BRINP3: variants seen among roughly 807,000 people sequenced by gnomAD.
BRINP3 encodes BMP/retinoic acid-inducible neural-specific protein 3.
BRINP3 carries 19 observed loss-of-function variants against 71.0 expected under a neutral mutation model. That is an observed-to-expected ratio of 0.27 (90% CI 0.19 to 0.39). The LOEUF (loss-of-function observed/expected upper bound fraction) is 0.39, where lower values mean the gene tolerates loss of function less well. Among genes scored for constraint, BRINP3 ranks in the 10% least tolerant of loss-of-function variants. BRINP3 has a pLI of 1.00. For synonymous variants in BRINP3, 380 were observed against 337.7 expected, an observed-to-expected ratio of 1.13 and a Z score of -1.37; for missense variants, 959 against 940.8, an observed-to-expected ratio of 1.02 and a Z score of -0.25.
At chr1:190,281,317 A>C (rs1663019229) in intron 3 of BRINP3, among the ~76,000 whole-genome samples, 1 of 151,960 alleles carries the variant, frequency 6.6e-6, no homozygotes, top group African/African-American at 2.4e-5. Flanking sequence ...ATTATGTCAA[A>C]TATTTGTATG....
chr1:190,469,763 A>T (rs1000970125), intron 1 of BRINP3, among the ~76,000 whole-genome samples: 1 of 150,968 alleles, frequency 6.6e-6, no homozygotes, highest in African/African-American at 2.4e-5. Context: ...AGCAACATTA[A>T]ATTGAATATT....
intron 1 of BRINP3, among the ~76,000 whole-genome samples, chr1:190,476,244 C>A (rs1677492708): frequency 1.4e-5 from 1 of 69,762 alleles, no homozygotes; most frequent in Admixed American, 1.9e-4. Flanking sequence ...AGTTATTTCC[C>A]AGAAATTAAA....
At chr1:190,320,291 T>G (rs551467231) in intron 2 of BRINP3, among the ~76,000 whole-genome samples, 1 of 152,166 alleles carries the variant, frequency 6.6e-6, no homozygotes, top group African/African-American at 2.4e-5. Flanking sequence ...GATAATTATT[T>G]ACTCGATTTT....
chr1:190,203,441 A>G (rs201754152), intron 6 of BRINP3, among the ~76,000 whole-genome samples: 2 of 142,958 alleles, frequency 1.4e-5, no homozygotes, highest in Non-Finnish European at 3.0e-5. Flanking sequence ...ATATATATGT[A>G]TGTGTGTGTG....
intron 2 of BRINP3, among the ~76,000 whole-genome samples, chr1:190,296,772 C>T (rs949116145): frequency 1.3e-5 from 2 of 151,756 alleles, no homozygotes; most frequent in African/African-American, 4.8e-5. Flanking sequence ...GAACTATCCA[C>T]AAAAGGAATT....
At chr1:190,355,545 G>A (rs1042360322) in intron 2 of BRINP3, among the ~76,000 whole-genome samples, 9 of 151,754 alleles carry the variant, frequency 5.9e-5, no homozygotes, top group Admixed American at 1.3e-4. Flanking sequence ...CTGTTTCCCC[G>A]AAATATAGAT....
intron 6 of BRINP3, among the ~76,000 whole-genome samples, chr1:190,197,553 C>T (rs769259275): frequency 8.5e-5 from 13 of 152,122 alleles, no homozygotes; most frequent in South Asian, 2.1e-4. Context: ...TTGGCCAAAA[C>T]GAAGGGGCAA....
At chr1:190,400,198 C>T (rs1034671038) in intron 2 of BRINP3, among the ~76,000 whole-genome samples, 1 of 152,106 alleles carries the variant, frequency 6.6e-6, no homozygotes, top group Non-Finnish European at 1.5e-5. Context: ...TAACAAACCT[C>T]AAACTGGAGG....
intron 2 of BRINP3, among the ~76,000 whole-genome samples, chr1:190,392,575 A>C (rs1458113081): frequency 6.6e-6 from 1 of 151,672 alleles, no homozygotes; most frequent in African/African-American, 2.4e-5. Context: ...TAAAAAGGTC[A>C]CTTTTGATCC....
chr1:190,456,310 T>A (rs555883075), intron 1 of BRINP3, among the ~76,000 whole-genome samples: 214 of 152,318 alleles, frequency 1.4e-3, no homozygotes, highest in African/African-American at 5.0e-3. Context: ...TAAAAGGACA[T>A]TCCTCACATA....
At chr1:190,377,916 T>C (rs1053669017) in intron 2 of BRINP3, among the ~76,000 whole-genome samples, 3 of 152,144 alleles carry the variant, frequency 2.0e-5, no homozygotes, top group African/African-American at 7.2e-5. Flanking sequence ...ATTCATTGAT[T>C]GGAAGATGTA....
intron 2 of BRINP3, among the ~76,000 whole-genome samples, chr1:190,381,833 T>C (rs954845581): frequency 1.3e-5 from 2 of 152,158 alleles, no homozygotes; most frequent in African/African-American, 2.4e-5. Context: ...TATTTTAATA[T>C]TCTTTTCTTT....
intron 6 of BRINP3, among the ~76,000 whole-genome samples, chr1:190,165,443 G>GGTTTTTTTTTTT (rs1651415035): frequency 2.1e-5 from 1 of 46,622 alleles, no homozygotes; most frequent in Admixed American, 2.4e-4. Context: ...TTCATTGGCT[G>GGTTTTTTTTTTT]TTTTTTTTTT....
In BRINP3 at chr1:190,098,372, C is replaced by T. The variant is rs1255317884; in HGVS notation, c.1947G>A (p.Leu649=). ...NGNESIYYEP[L]EFIDPSRNLG... is the part of the protein sequence containing the mutation. ...GGTTCCGGGAAGGGTCAATAAACTCCAGAGGTTCATAGTAAATGCTCTCAT... is the reference window on the plus strand; with the variant it reads ...GGTTCCGGGAAGGGTCAATAAACTCTAGAGGTTCATAGTAAATGCTCTCAT... The change falls in exon 8 of 8, where the codon CTG becomes CTA. Residue 649 remains leucine (L), a synonymous_variant. Coordinates refer to ENST00000367462, the MANE Select transcript of BRINP3 (RefSeq NM_199051.3). 2.5e-6 allele frequency: 4 copies of T among 1,614,130 alleles called. No individual in the cohort carries two copies. Among genetic ancestry groups the T allele is most frequent in the Non-Finnish European group, 3.4e-6 (4 of 1,180,042 alleles).
At chr1:190,296,107 T>TA (rs1374356368) in intron 2 of BRINP3, among the ~76,000 whole-genome samples, 3 of 151,680 alleles carry the variant, frequency 2.0e-5, no homozygotes, top group East Asian at 1.9e-4. Context: ...GTGTTATATT[T>TA]AAAAAATTTT....
At chr1:190,271,040 A>C (rs1662067439) in intron 3 of BRINP3, among the ~76,000 whole-genome samples, 2 of 151,718 alleles carry the variant, frequency 1.3e-5, no homozygotes, top group African/African-American at 4.8e-5. Context: ...GAGATGCAAG[A>C]AAGCCATTTT....
rs1571549763 is a variant in BRINP3 at position 190,260,415 on chromosome 1, C to T, written c.618+4450G>A. ...ACATTAAAACACTATGTTGTACACCCTAAATATATACAATCAAAAAGAGTA... is the reference window on the plus strand; with the variant it reads ...ACATTAAAACACTATGTTGTACACCTTAAATATATACAATCAAAAAGAGTA... On this transcript the variant is annotated intron_variant, in intron 4 of 7. Coordinates refer to ENST00000367462, the MANE Select transcript of BRINP3 (RefSeq NM_199051.3). 2.6e-5 allele frequency among the ~76,000 whole-genome samples: 4 copies of T among 152,068 alleles called. No individual in the cohort carries two copies. In the East Asian group the frequency reaches 7.7e-4, roughly 29 times the overall value.
At chr1:190,449,319 C>T (rs1385904006) in intron 2 of BRINP3, among the ~76,000 whole-genome samples, 1 of 151,876 alleles carries the variant, frequency 6.6e-6, no homozygotes, top group Non-Finnish European at 1.5e-5. Context: ...AGAGATACCA[C>T]AATTTCCTAC....
rs757411995 is a variant in BRINP3 at position 190,233,485 on chromosome 1, AT to A, written c.724+886del. On this transcript the variant is annotated intron_variant, in intron 5 of 7. Transcript: ENST00000367462. ...CATAAGCCACCACGTGGGGACACTG[AT>A]ACATTTTTCAAGATTGCAAAGTTAA... 1.2e-3 allele frequency among the ~76,000 whole-genome samples: 185 copies of A among 152,162 alleles called. 1 individual carries two copies. Among genetic ancestry groups the A allele is most frequent in the Non-Finnish European group, 8.8e-5 (6 of 68,012 alleles).
Sources: gnomAD v4.1 joint callset for allele counts (sites outside exome capture counted in the v4.1 genomes callset) on GRCh38, gnomAD v4.1.1 for gene constraint, MANE v1.5 for transcripts, NCBI Gene and HGNC (gene_info 2026-07-23, HGNC 2026-07-21) for gene names.